Variants in SYTL3 observed in about 807,000 individuals in gnomAD.
SYTL3 encodes the protein synaptotagmin like 3.
SYTL3 carries 88 observed loss-of-function variants against 82.1 expected under a neutral mutation model. The observed-to-expected ratio is 1.07, with a 90% confidence interval of 0.90 to 1.28. The LOEUF (loss-of-function observed/expected upper bound fraction) is 1.28. Ranked by LOEUF, SYTL3 falls within the 50% of genes most tolerant of loss-of-function variation. The pLI, the probability that SYTL3 is intolerant of heterozygous loss-of-function variation, is 0.00. For synonymous variants in SYTL3, 311 were observed against 289.4 expected (o/e 1.07, Z -0.76); for missense variants, 831 against 757.6 (o/e 1.10, Z -1.14).
rs546884961 is a variant in SYTL3, at chr6:158,700,358, C to G, written c.395-6872C>G. ...TCTTGAACTCCTGGGCTCAAGCAGT[C>G]CTCCCACCTCAGCCTCCCAAAGTGC... is the stretch of plus-strand genomic sequence containing the variant. On this transcript the variant is annotated intron_variant, in intron 6 of 17. Coordinates refer to ENST00000611299, the MANE Select transcript of SYTL3 (RefSeq NM_001242394.2). Among the ~76,000 whole-genome samples the G allele has an allele frequency of 8.5e-5, 13 of 152,160 alleles. No individual in the cohort carries two copies. The East Asian group carries it at 2.5e-3, about 30-fold the overall frequency.
intron 5 of SYTL3, among the ~76,000 whole-genome samples, chr6:158,673,999 G>T (rs908775469): frequency 6.6e-6 from 1 of 150,574 alleles, no homozygotes; most frequent in Non-Finnish European, 1.5e-5. Context: ...CAGGAGAATC[G>T]CTGGAACCTG....
intron 13 of SYTL3, among the ~76,000 whole-genome samples, chr6:158,756,468 G>A (rs1189249109): frequency 1.3e-5 from 2 of 152,224 alleles, no homozygotes; most frequent in African/African-American, 4.8e-5. Flanking sequence ...CCAGCAATTT[G>A]GGAGGCCGAG....
intron 11 of SYTL3, among the ~76,000 whole-genome samples, chr6:158,736,958 T>A (rs1450924606): frequency 6.6e-6 from 1 of 151,178 alleles, no homozygotes; most frequent in Non-Finnish European, 1.5e-5. Flanking sequence ...TTTCTTAAGC[T>A]GAGAGTGGGC....
intron 13 of SYTL3, among the ~76,000 whole-genome samples, chr6:158,754,141 C>T (rs561035622): frequency 6.6e-6 from 1 of 152,280 alleles, no homozygotes; most frequent in Non-Finnish European, 1.5e-5. Flanking sequence ...GAACTGTCTC[C>T]AGCCAGTTTT....
At chr6:158,735,909 C>T (rs1786084788) in intron 11 of SYTL3, among the ~76,000 whole-genome samples, 1 of 152,142 alleles carries the variant, frequency 6.6e-6, no homozygotes. Context: ...ATGTCAGAAG[C>T]TTTTACTTGT....
rs533172192 is a variant in SYTL3 at position 158,685,750 on chromosome 6, G to A, written c.394+2761G>A. ...GGAGAATTGCTTAAAGCTGGGAGGC[G>A]GAGGTTGCTGTGAGCCGAGATCATG... On this transcript the variant is annotated intron_variant, in intron 6 of 17. Transcript: ENST00000611299. Among the ~76,000 whole-genome samples, 7 of 152,238 alleles carry A rather than the reference G, an allele frequency of 4.6e-5. No individual in the cohort carries two copies. The East Asian group carries it at 7.8e-4, about 17-fold the overall frequency.
chr6:158,699,539 C>T (rs6902582), intron 6 of SYTL3, among the ~76,000 whole-genome samples: 6,395 of 152,234 alleles, frequency 0.042, 205 homozygotes, highest in Middle Eastern at 0.12. Flanking sequence ...CCACACGCGG[C>T]GGATCTTACT....
At chr6:158,671,304 G>A (rs939846516) in intron 5 of SYTL3, among the ~76,000 whole-genome samples, 10 of 152,060 alleles carry the variant, frequency 6.6e-5, no homozygotes, top group African/African-American at 2.2e-4. Context: ...TTTGAGAACC[G>A]GTGAGCTTTC....
chr6:158,680,722 A>T lies in SYTL3; in HGVS notation c.330-2203A>T, dbSNP rs117849466. On this transcript the variant is annotated intron_variant, in intron 5 of 17. Coordinates refer to ENST00000611299, the MANE Select transcript of SYTL3 (RefSeq NM_001242394.2). ...AGCTGAGATCGCGCCACTGCACTCC[A>T]GCCTCAACAACAGAGCCAGACCCTG... Among the ~76,000 whole-genome samples the T allele has an allele frequency of 7.0e-4, 107 of 152,318 alleles. No individual in the cohort carries two copies. The East Asian group carries it at 0.017, about 24-fold the overall frequency.
intron 10 of SYTL3, among the ~76,000 whole-genome samples, chr6:158,722,519 C>T (rs1157183845): frequency 6.6e-6 from 1 of 152,080 alleles, no homozygotes; most frequent in African/African-American, 2.4e-5. Context: ...AACACCCCTT[C>T]AAAAATGCTG....
At chr6:158,690,859 T>C in intron 6 of SYTL3, among the ~76,000 whole-genome samples, 1 of 152,194 alleles carries the variant, frequency 6.6e-6, no homozygotes, top group Admixed American at 6.5e-5. Context: ...CTCTTGCCTT[T>C]AGGAAGCTCC....
intron 11 of SYTL3, among the ~76,000 whole-genome samples, chr6:158,736,545 T>C (rs1475096470): frequency 6.6e-6 from 1 of 152,130 alleles, no homozygotes; most frequent in Non-Finnish European, 1.5e-5. Flanking sequence ...TCCCAGCACT[T>C]TGGGAGGCCA....
Position 158,756,348 on chromosome 6 carries a change from C to T in SYTL3, c.1138-863C>T, listed in dbSNP as rs79197970. Among the ~76,000 whole-genome samples, 1,148 of 152,354 alleles carry T rather than the reference C, an allele frequency of 7.5e-3. 16 individuals are homozygous for T. The highest frequency in any genetic ancestry group is 0.053 in the South Asian group (255 of 4,832). On this transcript the variant is annotated intron_variant, in intron 13 of 17. Coordinates refer to ENST00000611299, the MANE Select transcript of SYTL3 (RefSeq NM_001242394.2). ...ATGCCTGAGCACAGGCACCGTCCCTCCAGGGCAAACACGTGGTGTTGCGGG... is the reference window on the plus strand; with the variant it reads ...ATGCCTGAGCACAGGCACCGTCCCTTCAGGGCAAACACGTGGTGTTGCGGG...
rs113123589 is a variant in SYTL3, at chr6:158,705,061, C to T, written c.395-2169C>T. Among the ~76,000 whole-genome samples, 257 of 51,042 alleles carry T rather than the reference C, an allele frequency of 5.0e-3. 2 individuals are homozygous for T. Among genetic ancestry groups the T allele is most frequent in the Middle Eastern group, 0.013 (1 of 78 alleles). The allele number at this position is 51,042 out of a possible 152,430, so 33.5% of individuals were successfully genotyped here. ...AAGGCCACATAGGGCAGGAGGGACC[C>T]GGGGCAGGGTGACAGTGAGGGCTAT... On this transcript the variant is annotated intron_variant, in intron 6 of 17. Transcript: ENST00000611299.
chr6:158,734,893 G>A (rs1254091313), intron 11 of SYTL3, among the ~76,000 whole-genome samples: 1 of 152,234 alleles, frequency 6.6e-6, no homozygotes, highest in East Asian at 1.9e-4. Context: ...CAAAGATCTT[G>A]TTATGGAAGG....
chr6:158,663,193 G>A lies in SYTL3; in HGVS notation c.-76G>A, dbSNP rs1350009616. 30 of 1,347,156 alleles carry A rather than the reference G, an allele frequency of 2.2e-5. No homozygotes were observed. Among genetic ancestry groups the A allele is most frequent in the Non-Finnish European group, 2.7e-5 (26 of 948,332 alleles). The allele number at this position is 1,347,156 out of a possible 1,614,324, so 83.5% of individuals were successfully genotyped here. ...AGGCTGGCTGCAGCTGGCCTCCGCC[G>A]CTCATCTGCAGGGCGTGAGCGCTTG... On this transcript the variant is annotated 5_prime_UTR_variant, in exon 4 of 18. Transcript: ENST00000611299.
intron 6 of SYTL3, among the ~76,000 whole-genome samples, chr6:158,704,167 A>C (rs1781673091): frequency 1.3e-5 from 2 of 152,038 alleles, no homozygotes; most frequent in East Asian, 3.9e-4. Flanking sequence ...AAAACAAAAG[A>C]ATAATCTTTG....
intron 13 of SYTL3, among the ~76,000 whole-genome samples, chr6:158,752,601 T>C (rs770241516): frequency 6.6e-6 from 1 of 152,220 alleles, no homozygotes; most frequent in African/African-American, 2.4e-5. Flanking sequence ...GGCCATGCGC[T>C]CTGATGTCGG....
rs1446235698 is a variant in SYTL3, at chr6:158,757,353, C to T, written c.1280C>T (p.Ser427Phe). Residue 427 changes from serine to phenylalanine, a missense_variant, in exon 14 of 18, where the codon TCC (serine) becomes TTC (phenylalanine). Transcript: ENST00000611299. Reference sequence around the variant, plus strand: ...GACTTTGAAGACAGCACAACACAGTCCTTCCGCTGGCATCCGCTCCGGGCC... The same window carrying T: ...GACTTTGAAGACAGCACAACACAGTTCTTCCGCTGGCATCCGCTCCGGGCC... Reference protein sequence around the residue: ...TWDFEDSTTQSFRWHPLRAKA... With the variant: ...TWDFEDSTTQFFRWHPLRAKA... The T allele has an allele frequency of 1.2e-6, 2 of 1,614,062 alleles. No individual in the cohort carries two copies. The highest frequency in any genetic ancestry group is 1.7e-6 in the Non-Finnish European group (2 of 1,179,998).
Sources: allele counts gnomAD v4.1 joint callset (sites outside exome capture counted in the v4.1 genomes callset), GRCh38; gene constraint gnomAD v4.1.1; transcripts MANE v1.5; gene names NCBI Gene and HGNC (gene_info 2026-07-23, HGNC 2026-07-21).